Variants in PIK3CG observed in about 807,000 individuals in gnomAD.
PIK3CG encodes phosphatidylinositol 4,5-bisphosphate 3-kinase catalytic subunit gamma isoform.
Under a neutral mutation model 102.3 loss-of-function variants are expected in PIK3CG, and 55 were observed. The ratio of observed to expected loss-of-function variants is 0.54; its 90% confidence interval spans 0.43 to 0.67. The LOEUF (loss-of-function observed/expected upper bound fraction) is 0.67, where lower values mean the gene tolerates loss of function less well. PIK3CG is among the 30% of genes least tolerant of loss of function. The probability of loss-of-function intolerance (pLI) is 0.00; values close to 1 mark genes in which losing one functional copy is unlikely to be tolerated. For synonymous variants in PIK3CG, 552 were observed against 540.0 expected, an observed-to-expected ratio of 1.02 and a Z score of -0.31; for missense variants, 1,258 against 1,391.8, an observed-to-expected ratio of 0.90 and a Z score of 1.53.
At chr7:106,870,702 C>A (rs919400196) in intron 2 of PIK3CG, among the ~76,000 whole-genome samples, 1 of 152,174 alleles carries the variant, frequency 6.6e-6, no homozygotes, top group African/African-American at 2.4e-5. Context: ...ACACACTAAA[C>A]TATCTAATCA....
chr7:106,881,025 A>C (rs1194461588), intron 6 of PIK3CG, among the ~76,000 whole-genome samples: 1 of 152,160 alleles, frequency 6.6e-6, no homozygotes. Context: ...TGGTCAAAAA[A>C]AACCTCTCTG....
At chr7:106,873,039 C>T (rs573955149) in intron 4 of PIK3CG, 101 bp downstream of exon 4, 10 of 818,302 alleles carry the variant, frequency 1.2e-5, no homozygotes, top group Non-Finnish European at 2.0e-5. Context: ...AAGTTGCATC[C>T]TCCTGAAGGC....
At position 106,907,074 on chromosome 7, in the gene PIK3CG, T is replaced by A. The variant is rs535668296; in HGVS notation, c.*1687T>A. On this transcript the variant is annotated 3_prime_UTR_variant, in exon 11 of 11. Transcript: ENST00000496166. Reference sequence around the variant, plus strand: ...AGGTGGAAACTGCAGAGAGTCATGATCATGTCCTTACACTCCAGCCTGGAT... The same window carrying A: ...AGGTGGAAACTGCAGAGAGTCATGAACATGTCCTTACACTCCAGCCTGGAT... The A allele has an allele frequency of 1.9e-4, 37 of 197,688 alleles. No homozygotes were observed. Among genetic ancestry groups the A allele is most frequent in the African/African-American group, 8.3e-4 (36 of 43,480 alleles). The allele number at this position is 197,688 out of a possible 1,614,324, so 12.2% of individuals were successfully genotyped here.
Position 106,868,378 on chromosome 7 carries a change from C to T in PIK3CG, c.817C>T (p.Arg273Cys), listed in dbSNP as rs2116438755. 6.2e-7 allele frequency: 1 copy of T among 1,614,222 alleles called. No individual in the cohort carries two copies. The highest frequency in any genetic ancestry group is 8.5e-7 in the Non-Finnish European group (1 of 1,180,038). The change falls in exon 2 of 11, where the codon CGC becomes TGC. Residue 273 changes from arginine to cysteine, a missense_variant. Around this residue, in one of 2 missense-constraint regions of PIK3CG, gnomAD observed 832 missense variants for 787.5 expected, o/e 1.06. Coordinates refer to ENST00000496166, the MANE Select transcript of PIK3CG (RefSeq NM_001282426.2). The surrounding 1 kb of genome is among the most constrained non-coding windows in gnomAD (Gnocchi z 6.2). Reference protein sequence around the residue: ...ESQSEQDFVLRVCGRDEYLVG... With the variant: ...ESQSEQDFVLCVCGRDEYLVG... Reference sequence around the variant, plus strand: ...CCAAAGCGAACAGGATTTTGTGCTGCGCGTCTGTGGCCGGGATGAGTACCT... The same window carrying T: ...CCAAAGCGAACAGGATTTTGTGCTGTGCGTCTGTGGCCGGGATGAGTACCT...
intron 5 of PIK3CG, among the ~76,000 whole-genome samples, chr7:106,875,919 T>G (rs1402093974): frequency 2.7e-5 from 4 of 148,688 alleles, no homozygotes; most frequent in Non-Finnish European, 4.5e-5. Flanking sequence ...GTTTTTTTTT[T>G]TTTTTTGAGA....
intron 5 of PIK3CG, among the ~76,000 whole-genome samples, chr7:106,876,268 C>T (rs1024345756): frequency 1.2e-4 from 19 of 152,110 alleles, no homozygotes; most frequent in Non-Finnish European, 2.5e-4. Flanking sequence ...TGGTATCTCA[C>T]TGTTGTTTTT....
At chr7:106,889,517 T>C (rs1791213258) in intron 10 of PIK3CG, among the ~76,000 whole-genome samples, 1 of 152,236 alleles carries the variant, frequency 6.6e-6, no homozygotes, top group African/African-American at 2.4e-5. Flanking sequence ...TTAGGGAAGC[T>C]GGGAAATGTT....
intron 10 of PIK3CG, among the ~76,000 whole-genome samples, chr7:106,900,371 G>A (rs1172290430): frequency 1.3e-5 from 2 of 151,960 alleles, no homozygotes; most frequent in East Asian, 3.9e-4. Context: ...TCTTAAATTA[G>A]GACAAACCCC....
rs367727493 is a variant in PIK3CG at position 106,867,774 on chromosome 7, G to A, written c.213G>A (p.Lys71=). The A allele has an allele frequency of 3.1e-5, 50 of 1,612,886 alleles. No individual in the cohort carries two copies. Among genetic ancestry groups the A allele is most frequent in the Non-Finnish European group, 4.1e-5 (48 of 1,179,946 alleles). The change falls in exon 2 of 11, where the codon AAG becomes AAA. Residue 71 remains lysine (K), a synonymous_variant. Coordinates refer to ENST00000496166, the MANE Select transcript of PIK3CG (RefSeq NM_001282426.2). This position sits in a 1 kb window ranked among gnomAD's most constrained non-coding sequence, Gnocchi z 5.1. The stretch of plus-strand genomic sequence containing the variant: ...GCCACGGCAACGTGGAGCAGATGAA[G>A]GCCCAGGTGTGGCTGCGAGCGCTGG... ...VAGHGNVEQM[K]AQVWLRALET... is the part of the protein sequence containing the mutation.
Position 106,899,136 on chromosome 7 carries a change from G to A in PIK3CG, c.3031-5973G>A, listed in dbSNP as rs935625484. ...TATTCTTTTTGTGGCAATTGTGAAC[G>A]GGATTGCCTTTCTGATTTGGCTCTT... On this transcript the variant is annotated intron_variant, in intron 10 of 10. Transcript: ENST00000496166. This position sits in a 1 kb window ranked among gnomAD's most constrained non-coding sequence, Gnocchi z 4.6. 1.3e-5 allele frequency among the ~76,000 whole-genome samples: 2 copies of A among 152,022 alleles called. No homozygotes were observed. Among genetic ancestry groups the A allele is most frequent in the Non-Finnish European group, 2.9e-5 (2 of 68,010 alleles).
rs1462095883 is a variant in PIK3CG at position 106,867,949 on chromosome 7, C to G, written c.388C>G (p.Arg130Gly). 2 of 1,613,014 alleles carry G rather than the reference C, an allele frequency of 1.2e-6. No homozygotes were observed. Among genetic ancestry groups the G allele is most frequent in the Non-Finnish European group, 1.7e-6 (2 of 1,179,820 alleles). ...DCLRYWKATH[R>G]SPGQIHLVQR... The stretch of plus-strand genomic sequence containing the variant: ...CCTGCGCTACTGGAAGGCCACGCAC[C>G]GGAGCCCGGGCCAGATCCACCTGGT... Residue 130 changes from arginine (R) to glycine (G), a missense_variant, in exon 2 of 11, where the codon CGG (arginine) becomes GGG (glycine). By Grantham distance (125) the Arg-to-Gly change is moderately radical. Coordinates refer to ENST00000496166, the MANE Select transcript of PIK3CG (RefSeq NM_001282426.2). This position sits in a 1 kb window ranked among gnomAD's most constrained non-coding sequence, Gnocchi z 5.1.
chr7:106,888,801 T>C (rs749040057), intron 10 of PIK3CG, among the ~76,000 whole-genome samples: 5 of 152,210 alleles, frequency 3.3e-5, no homozygotes, highest in Non-Finnish European at 7.3e-5. Flanking sequence ...ATGGGCTTTG[T>C]AGCGGAGAAA....
Position 106,903,375 on chromosome 7 carries a change from G to T in PIK3CG, c.3031-1734G>T, listed in dbSNP as rs191557843. Among the ~76,000 whole-genome samples, 250 of 152,078 alleles carry T rather than the reference G, an allele frequency of 1.6e-3. 1 individual carries two copies. The highest frequency in any genetic ancestry group is 4.4e-3 in the Admixed American group (67 of 15,278). On this transcript the variant is annotated intron_variant, in intron 10 of 10. Transcript: ENST00000496166. The surrounding 1 kb of genome is among the most constrained non-coding windows in gnomAD (Gnocchi z 4.3). ...ATTTTATGTTTATAGATTAATCTAA[G>T]AATAATTTATATCATTATAAGCAGT...
rs1790888120 is a variant in PIK3CG at position 106,880,074 on chromosome 7, A to G, written c.2538+409A>G. ...TCCTCTGATGCACATAAACAAATCA[A>G]GCAAATGATTTTATGGGAAGGAGAA... On this transcript the variant is annotated intron_variant, in intron 6 of 10. Transcript: ENST00000496166. This position sits in a 1 kb window ranked among gnomAD's most constrained non-coding sequence, Gnocchi z 4.2. 6.6e-6 allele frequency among the ~76,000 whole-genome samples: 1 copy of G among 152,230 alleles called. No homozygotes were observed. Among genetic ancestry groups the G allele is most frequent in the Admixed American group, 6.5e-5 (1 of 15,286 alleles).
rs1479529949 is a variant in PIK3CG, at chr7:106,902,584, C to A, written c.3031-2525C>A. ...TCCAGTTTTTAGGTAAATTTTCCATCTCATTTTAAGTTACTTTTTTTAATA... is the reference window on the plus strand; with the variant it reads ...TCCAGTTTTTAGGTAAATTTTCCATATCATTTTAAGTTACTTTTTTTAATA... On this transcript the variant is annotated intron_variant, in intron 10 of 10. Transcript: ENST00000496166. This position sits in a 1 kb window ranked among gnomAD's most constrained non-coding sequence, Gnocchi z 4.3. 6.7e-6 allele frequency among the ~76,000 whole-genome samples: 1 copy of A among 148,358 alleles called. No homozygotes were observed. Among genetic ancestry groups the A allele is most frequent in the African/African-American group, 2.5e-5 (1 of 40,552 alleles).
At chr7:106,878,411 G>A (rs1790828774) in intron 5 of PIK3CG, among the ~76,000 whole-genome samples, 1 of 152,120 alleles carries the variant, frequency 6.6e-6, no homozygotes, top group Admixed American at 6.5e-5. Flanking sequence ...ATCAAATTTG[G>A]AAATTTTTCA....
At position 106,867,778 on chromosome 7, in the gene PIK3CG, C is replaced by A. The variant is rs745718171; in HGVS notation, c.217C>A (p.Gln73Lys). The A allele has an allele frequency of 6.2e-7, 1 of 1,612,978 alleles. No homozygotes were observed. The highest frequency in any genetic ancestry group is 8.5e-7 in the Non-Finnish European group (1 of 1,179,928). ...CGGCAACGTGGAGCAGATGAAGGCC[C>A]AGGTGTGGCTGCGAGCGCTGGAGAC... ...GHGNVEQMKAQVWLRALETSV... is the reference protein window; with the variant it reads ...GHGNVEQMKAKVWLRALETSV... The change falls in exon 2 of 11, where the codon CAG becomes AAG. Residue 73 changes from glutamine (Q) to lysine (K), a missense_variant. Around this residue, in one of 2 missense-constraint regions of PIK3CG, gnomAD observed 832 missense variants for 787.5 expected, o/e 1.06. Transcript: ENST00000496166. The surrounding 1 kb of genome is among the most constrained non-coding windows in gnomAD (Gnocchi z 5.1).
chr7:106,872,500 G>GTA lies in PIK3CG; in HGVS notation c.1996-36_1996-35dup, dbSNP rs758886576. ...CTTTTCCCTGATTCAACGACATAGA[G>GTA]TACAGTCCTACAAATGCCAATGTGT... On this transcript the variant is annotated intron_variant, in intron 2 of 10. Transcript: ENST00000496166. The surrounding 1 kb of genome is among the most constrained non-coding windows in gnomAD (Gnocchi z 5.3). The GTA allele has an allele frequency of 2.0e-6, 3 of 1,527,058 alleles. No homozygotes were observed. The African/African-American group carries it at 4.1e-5, about 21-fold the overall frequency. 94.6% of individuals were successfully genotyped at this position (1,527,058 alleles called of 1,614,324 possible).
intron 1 of PIK3CG, among the ~76,000 whole-genome samples, chr7:106,866,554 G>A (rs1790290552): frequency 6.6e-6 from 1 of 152,176 alleles, no homozygotes; most frequent in African/African-American, 2.4e-5. Flanking sequence ...GGTCACTGGA[G>A]TCCAGAAATC....
Sources: allele counts gnomAD v4.1 joint callset (sites outside exome capture counted in the v4.1 genomes callset), GRCh38; gene constraint gnomAD v4.1.1; regional missense constraint gnomAD v4.1.1; non-coding constraint Gnocchi (gnomAD v3.1); transcripts MANE v1.5; gene names NCBI Gene and HGNC (gene_info 2026-07-23, HGNC 2026-07-21).